FAM20C: variants seen among roughly 807,000 people sequenced by gnomAD.
The protein encoded by FAM20C is extracellular serine/threonine protein kinase FAM20C.
In FAM20C, 40 loss-of-function variants were observed where a neutral mutation model predicts 51.5. The observed-to-expected ratio is 0.78, with a 90% CI of 0.60 to 1.01. The LOEUF (loss-of-function observed/expected upper bound fraction) is 1.01. Among genes scored for constraint, FAM20C ranks in the 50% least tolerant of loss-of-function variants. The probability of loss-of-function intolerance (pLI) is 0.00; values close to 1 mark genes in which losing one functional copy is unlikely to be tolerated. For synonymous variants in FAM20C, 406 were observed against 380.6 expected, an observed-to-expected ratio of 1.07 and a Z score of -0.78; for missense variants, 861 against 844.7, an observed-to-expected ratio of 1.02 and a Z score of -0.24.
At chr7:257,744 CT>C (rs1440627941) in intron 8 of FAM20C, among the ~76,000 whole-genome samples, 68 of 139,680 alleles carry the variant, frequency 4.9e-4, no homozygotes, top group African/African-American at 1.7e-3. Context: ...GACCCACTGC[CT>C]GGGGTGCTGG....
intron 3 of FAM20C, among the ~76,000 whole-genome samples, chr7:226,941 G>A (rs1314830685): frequency 2.6e-5 from 4 of 152,142 alleles, no homozygotes; most frequent in South Asian, 4.1e-4. Flanking sequence ...CCACTTTACC[G>A]ATGGGGAAGC....
chr7:258,832 C>T, intron 9 of FAM20C, 127 bp downstream of exon 9: 2 of 968,740 alleles, frequency 2.1e-6, no homozygotes, highest in Non-Finnish European at 3.0e-6. Context: ...CCGAATTCAA[C>T]CACAGCCCTG....
intron 2 of FAM20C, among the ~76,000 whole-genome samples, chr7:204,694 T>C (rs965704742): frequency 6.6e-6 from 1 of 151,854 alleles, no homozygotes; most frequent in Non-Finnish European, 1.5e-5. Context: ...CTGCCGCTGT[T>C]CTCAGTGTTC....
In FAM20C at chr7:192,738, C is replaced by T. The variant is rs945517947; in HGVS notation, c.-462C>T. Among the ~76,000 whole-genome samples, 95 of 148,928 alleles carry T rather than the reference C, an allele frequency of 6.4e-4. No homozygotes were observed. Among genetic ancestry groups the T allele is most frequent in the Admixed American group, 1.0e-3 (15 of 15,048 alleles). The stretch of plus-strand genomic sequence containing the variant: ...GCAGAGCCCGGCCCGGAGGAGCCGC[C>T]CCTTCCCCGCCCGCCCGCCCGGCGC... On this transcript the variant is annotated 5_prime_UTR_variant, in exon 1 of 10. Transcript: ENST00000313766.
chr7:205,990 C>G (rs1034416440), intron 2 of FAM20C, among the ~76,000 whole-genome samples: 3 of 152,108 alleles, frequency 2.0e-5, no homozygotes, highest in South Asian at 4.2e-4. Flanking sequence ...GCAGCTCCCC[C>G]ATCCCGCCAT....
At chr7:222,085 G>A (rs545056149) in intron 3 of FAM20C, among the ~76,000 whole-genome samples, 1 of 143,078 alleles carries the variant, frequency 7.0e-6, no homozygotes, top group Non-Finnish European at 1.5e-5. Flanking sequence ...TGCAGGAGCC[G>A]TTCTTAGCAT....
intron 5 of FAM20C, among the ~76,000 whole-genome samples, chr7:254,890 A>C (rs1324511056): frequency 6.6e-6 from 1 of 152,076 alleles, no homozygotes; most frequent in Admixed American, 6.5e-5. Flanking sequence ...CGCGGAGCAC[A>C]GGGTTCTCGG....
chr7:198,351 G>A (rs138621633), intron 2 of FAM20C, among the ~76,000 whole-genome samples: 11 of 152,278 alleles, frequency 7.2e-5, no homozygotes, highest in East Asian at 1.9e-4. Flanking sequence ...GTTTCTCACC[G>A]AGAACACAGA....
At chr7:226,227 C>G (rs1455755443) in intron 3 of FAM20C, among the ~76,000 whole-genome samples, 1 of 152,126 alleles carries the variant, frequency 6.6e-6, no homozygotes, top group Non-Finnish European at 1.5e-5. Flanking sequence ...GTCCACGCAC[C>G]CCATGTCCCA....
intron 2 of FAM20C, among the ~76,000 whole-genome samples, chr7:196,556 G>A (rs1785883198): frequency 6.6e-6 from 1 of 152,198 alleles, no homozygotes; most frequent in South Asian, 2.1e-4. Context: ...GTGGGCAGGT[G>A]CAGAGGCCAT....
intron 1 of FAM20C, among the ~76,000 whole-genome samples, chr7:194,936 T>C (rs924748206): frequency 6.6e-6 from 1 of 152,188 alleles, no homozygotes; most frequent in African/African-American, 2.4e-5. Flanking sequence ...CCCAGAGATG[T>C]GAGGACAGGC....
chr7:256,711 C>G lies in FAM20C; in HGVS notation c.1311C>G (p.Ser437Arg), dbSNP rs1323452725. Residue 437 changes from serine to arginine, a missense_variant, in exon 7 of 10, where the codon AGC (serine) becomes AGG (arginine). Ser to Arg is a moderately radical substitution (Grantham distance 110). Coordinates refer to ENST00000313766, the MANE Select transcript of FAM20C (RefSeq NM_020223.4). Reference protein sequence around the residue: ...EEVKQTPPYDSSHRILDVMDM... With the variant: ...EEVKQTPPYDRSHRILDVMDM... Reference sequence around the variant, plus strand: ...TGAAGCAGACACCGCCCTACGACAGCAGCCACCGCATCCTGGACGTCATGG... The same window carrying G: ...TGAAGCAGACACCGCCCTACGACAGGAGCCACCGCATCCTGGACGTCATGG... 1 of 1,536,078 alleles carries G rather than the reference C, an allele frequency of 6.5e-7. No homozygotes were observed. The highest frequency in any genetic ancestry group is 8.7e-7 in the Non-Finnish European group (1 of 1,146,846).
At chr7:234,708 G>C (rs985804189) in intron 3 of FAM20C, among the ~76,000 whole-genome samples, 2 of 152,158 alleles carry the variant, frequency 1.3e-5, no homozygotes, top group Non-Finnish European at 2.9e-5. Flanking sequence ...CAGAAAGGCG[G>C]GTGTTGAAAA....
chr7:223,766 C>G (rs1032697176), intron 3 of FAM20C, among the ~76,000 whole-genome samples: 2 of 152,224 alleles, frequency 1.3e-5, no homozygotes, highest in African/African-American at 2.4e-5. Flanking sequence ...CACGTTGCTT[C>G]CAGTTTCCTG....
chr7:197,639 T>TC (rs1479287936), intron 2 of FAM20C: 1 of 152,646 alleles, frequency 6.6e-6, no homozygotes, highest in Non-Finnish European at 1.5e-5. Context: ...TCCACAACAG[T>TC]CCCCTCGTGT....
At position 207,517 on chromosome 7, in the gene FAM20C, G is replaced by GGA. The variant is rs1351512322; in HGVS notation, c.785-1379_785-1378dup. 2.0e-5 allele frequency among the ~76,000 whole-genome samples: 3 copies of GGA among 152,036 alleles called. No individual in the cohort carries two copies. In the East Asian group the frequency reaches 5.8e-4, roughly 30 times the overall value. On this transcript the variant is annotated intron_variant, in intron 2 of 9. Coordinates refer to ENST00000313766, the MANE Select transcript of FAM20C (RefSeq NM_020223.4). ...AGCAGCTCAAATGTTAGCTCCCTAG[G>GGA]GAGGCTGCTCCTGAGCTGCGCCCAG...
At chr7:241,235 C>A (rs999870696) in intron 3 of FAM20C, among the ~76,000 whole-genome samples, 3 of 152,320 alleles carry the variant, frequency 2.0e-5, no homozygotes, top group Middle Eastern at 3.4e-3. Flanking sequence ...GCCCGAGGGC[C>A]TCGGGAGCGG....
At chr7:208,825 G>A in intron 2 of FAM20C, 73 bp from the exon 3 acceptor site, 1 of 1,468,056 alleles carries the variant, frequency 6.8e-7, no homozygotes, top group South Asian at 1.3e-5. Context: ...GCAGCCAAGA[G>A]CCCTCGTCCG....
chr7:195,776 G>A (rs771316261), intron 2 of FAM20C, 44 bp downstream of exon 2: 1 of 1,488,700 alleles, frequency 6.7e-7, no homozygotes, highest in Non-Finnish European at 9.0e-7. Flanking sequence ...TGTGCCGGCT[G>A]TGTGGCATCA....
Sources: allele counts gnomAD v4.1 joint callset (sites outside exome capture counted in the v4.1 genomes callset), GRCh38; gene constraint gnomAD v4.1.1; transcripts MANE v1.5; gene names NCBI Gene and HGNC (gene_info 2026-07-23, HGNC 2026-07-21).